The following SPSB4 variants were observed in gnomAD, a reference collection of about 807,000 sequenced individuals.
SPSB4 encodes the protein splA/ryanodine receptor domain and SOCS box containing 4, also known as SPRY domain-containing SOCS box protein 4.
In SPSB4, 21 loss-of-function variants were observed where a neutral mutation model predicts 20.9. The ratio of observed to expected loss-of-function variants is 1.01; its 90% CI spans 0.71 to 1.45. The LOEUF is 1.45. Among genes scored for constraint, SPSB4 ranks in the 40% most tolerant of loss-of-function variants. SPSB4 has a pLI of 0.00. For synonymous variants in SPSB4, 207 were observed against 183.8 expected, an observed-to-expected ratio of 1.13 and a Z score of -1.02; for missense variants, 399 against 399.2, an observed-to-expected ratio of 1.00 and a Z score of 0.00.
rs1475468640 is a variant in SPSB4, at chr3:141,051,445, AGCTGGCCGTGGCG to A, written c.-698_-686del. 1 of 153,170 alleles carries A rather than the reference AGCTGGCCGTGGCG, an allele frequency of 6.5e-6. No homozygotes were observed. Among genetic ancestry groups the A allele is most frequent in the Non-Finnish European group, 1.5e-5 (1 of 68,824 alleles). 9.5% of individuals were successfully genotyped at this position (153,170 alleles called of 1,614,324 possible). On this transcript the variant is annotated 5_prime_UTR_variant, in exon 1 of 3. Coordinates refer to ENST00000310546, the MANE Select transcript of SPSB4 (RefSeq NM_080862.3). ...AGGCGGCGGCGGCTGCAGCATCCAG[AGCTGGCCGTGGCG>A]GCCGGCGCGCCCCGCGCACAAAAGC...
intron 2 of SPSB4, among the ~76,000 whole-genome samples, chr3:141,128,593 G>A (rs1253585546): frequency 6.6e-6 from 1 of 152,178 alleles, no homozygotes; most frequent in Non-Finnish European, 1.5e-5. Context: ...AAGGGCAACG[G>A]GGTGCCGGCA....
rs1936098672 is a variant in SPSB4 at position 141,051,915 on chromosome 3, C to G, written c.-231C>G. Reference sequence around the variant, plus strand: ...GCCCCTGAGTGGGCGGCGGCGGCAGCAGACCCCTCTCCAGGGAGTCCAGGA... The same window carrying G: ...GCCCCTGAGTGGGCGGCGGCGGCAGGAGACCCCTCTCCAGGGAGTCCAGGA... On this transcript the variant is annotated 5_prime_UTR_variant, in exon 1 of 3. Coordinates refer to ENST00000310546, the MANE Select transcript of SPSB4 (RefSeq NM_080862.3). 2 of 152,378 alleles carry G rather than the reference C, an allele frequency of 1.3e-5. No individual in the cohort carries two copies. Among genetic ancestry groups the G allele is most frequent in the Admixed American group, 1.3e-4 (2 of 15,292 alleles). The allele number at this position is 152,378 out of a possible 1,614,324, so 9.4% of individuals were successfully genotyped here.
intron 2 of SPSB4, among the ~76,000 whole-genome samples, chr3:141,128,096 A>G (rs1406433708): frequency 1.3e-5 from 2 of 152,324 alleles, no homozygotes; most frequent in African/African-American, 4.8e-5. Context: ...TGCGGCCTCC[A>G]GGTTTCCCTG....
At chr3:141,139,436 G>T (rs959534882) in intron 2 of SPSB4, among the ~76,000 whole-genome samples, 2 of 152,162 alleles carry the variant, frequency 1.3e-5, no homozygotes, top group Admixed American at 6.5e-5. Context: ...AGCCTCGATG[G>T]TCTTTACAAC....
At chr3:141,108,207 T>TA (rs1938730849) in intron 2 of SPSB4, among the ~76,000 whole-genome samples, 1 of 151,998 alleles carries the variant, frequency 6.6e-6, no homozygotes, top group African/African-American at 2.4e-5. Flanking sequence ...GGAGTCTCGT[T>TA]ACCACAGGGT....
intron 2 of SPSB4, among the ~76,000 whole-genome samples, chr3:141,092,008 A>G (rs999179332): frequency 6.6e-6 from 1 of 152,322 alleles, no homozygotes; most frequent in Admixed American, 6.5e-5. Context: ...TCAGTGTAAC[A>G]TGGAACACAG....
intron 2 of SPSB4, among the ~76,000 whole-genome samples, chr3:141,145,304 A>T (rs1159017643): frequency 6.6e-6 from 1 of 151,682 alleles, no homozygotes; most frequent in Non-Finnish European, 1.5e-5. Flanking sequence ...TAGCCTTGGG[A>T]TCTGGCCTCA....
chr3:141,145,519 A>C, intron 2 of SPSB4, among the ~76,000 whole-genome samples: 1 of 152,342 alleles, frequency 6.6e-6, no homozygotes, highest in East Asian at 1.9e-4. Context: ...TGAAAGCTGC[A>C]GGCCTCGGGT....
At chr3:141,092,676 C>T (rs72981975) in intron 2 of SPSB4, among the ~76,000 whole-genome samples, 14,050 of 152,258 alleles carry the variant, frequency 0.092, 1,223 homozygotes, top group African/African-American at 0.23. Context: ...GGGGCTCAGG[C>T]TCTTGCTGTG....
chr3:141,144,513 C>T (rs553670711), intron 2 of SPSB4, among the ~76,000 whole-genome samples: 86 of 152,308 alleles, frequency 5.6e-4, no homozygotes, highest in South Asian at 3.7e-3. Flanking sequence ...AGAGAATGGG[C>T]GCAGCCAACG....
intron 2 of SPSB4, among the ~76,000 whole-genome samples, chr3:141,123,355 C>T (rs1424121782): frequency 1.3e-5 from 2 of 152,282 alleles, no homozygotes; most frequent in East Asian, 1.9e-4. Context: ...AAGGCAACCA[C>T]TCTCAGAATT....
chr3:141,132,826 T>C (rs748310968), intron 2 of SPSB4, among the ~76,000 whole-genome samples: 19 of 152,194 alleles, frequency 1.2e-4, no homozygotes, highest in Non-Finnish European at 2.2e-4. Flanking sequence ...AGTAGTGAGA[T>C]TGCTAGATCA....
intron 1 of SPSB4, among the ~76,000 whole-genome samples, chr3:141,057,209 C>T (rs529110405): frequency 6.3e-4 from 96 of 152,332 alleles, no homozygotes; most frequent in Middle Eastern, 3.4e-3. Flanking sequence ...TAATGAATGC[C>T]TATGAACAAA....
chr3:141,066,121 CG>C lies in SPSB4; in HGVS notation c.21del (p.Ser8AlafsTer107). 5 of 1,529,406 alleles carry C rather than the reference CG, an allele frequency of 3.3e-6. No homozygotes were observed. The highest frequency in any genetic ancestry group is 4.4e-6 in the Non-Finnish European group (5 of 1,141,530). 94.7% of individuals were successfully genotyped at this position (1,529,406 alleles called of 1,614,324 possible). On this transcript the variant is annotated frameshift_variant, in exon 2 of 3. Coordinates refer to ENST00000310546, the MANE Select transcript of SPSB4 (RefSeq NM_080862.3). LOFTEE classifies it high-confidence loss of function. ...CAGTGAAGCATGGGCCAGAAGCTCT[CG>C]GGGAGCCTCAAGTCAGTGGAGGTGC... MGQKL[S>X]GSLKSVEVRE...
rs1235527669 is a variant in SPSB4, at chr3:141,066,734, C to G, written c.630C>G (p.Tyr210Ter). Residue 210 changes from tyrosine (Y) to a stop codon, truncating the protein, a stop_gained, in exon 2 of 3, where the codon TAC (tyrosine) becomes TAG (stop). Transcript: ENST00000310546. LOFTEE classifies it high-confidence loss of function. ...GAGGTCTCAAGGGCAAGAAGCTGTA[C>G]CCGGTGGTGAGTGCCGTGTGGGGCC... ...AFRGLKGKKL[Y>*]PVVSAVWGHC... is the part of the protein sequence containing the mutation. 2.5e-6 allele frequency: 4 copies of G among 1,605,046 alleles called. No homozygotes were observed. Among genetic ancestry groups the G allele is most frequent in the Non-Finnish European group, 2.6e-6 (3 of 1,175,598 alleles).
At chr3:141,131,838 G>T (rs1939135827) in intron 2 of SPSB4, among the ~76,000 whole-genome samples, 1 of 152,168 alleles carries the variant, frequency 6.6e-6, no homozygotes, top group African/African-American at 2.4e-5. Flanking sequence ...TTTCTGTTAG[G>T]TGTTTACCCA....
chr3:141,123,244 G>A (rs1394608420), intron 2 of SPSB4, among the ~76,000 whole-genome samples: 1 of 152,080 alleles, frequency 6.6e-6, no homozygotes, highest in African/African-American at 2.4e-5. Flanking sequence ...ATAATTTAAT[G>A]CATACCCATG....
intron 2 of SPSB4, among the ~76,000 whole-genome samples, chr3:141,093,109 G>A (rs1938486606): frequency 6.6e-6 from 1 of 152,078 alleles, no homozygotes; most frequent in South Asian, 2.1e-4. Context: ...ATACCTGGAT[G>A]GGATGGGAAG....
intron 2 of SPSB4, among the ~76,000 whole-genome samples, chr3:141,088,900 C>T (rs1047038390): frequency 1.4e-4 from 22 of 152,182 alleles, no homozygotes; most frequent in African/African-American, 5.3e-4. Context: ...CCAATCTGAC[C>T]AATTTCTCAT....
Sources: allele counts gnomAD v4.1 joint callset (sites outside exome capture counted in the v4.1 genomes callset), GRCh38; gene constraint gnomAD v4.1.1; transcripts MANE v1.5; gene names NCBI Gene and HGNC (gene_info 2026-07-23, HGNC 2026-07-21).